The following TRPM8 variants were observed in gnomAD, a reference collection of about 807,000 sequenced individuals.
The protein encoded by TRPM8 is transient receptor potential cation channel subfamily M member 8.
A neutral mutation model predicts 133.7 loss-of-function variants in TRPM8; 110 were observed. That is an observed-to-expected ratio of 0.82 (90% CI 0.70 to 0.96). TRPM8 has a LOEUF of 0.96. Among genes scored for constraint, TRPM8 ranks in the 40% least tolerant of loss-of-function variants. The pLI, the probability that TRPM8 is intolerant of heterozygous loss-of-function variation, is 0.00. For missense variants in TRPM8, 1,291 were observed against 1,379.5 expected (o/e 0.94, Z 1.02); for synonymous variants, 535 against 532.3 (o/e 1.01, Z -0.07).
At chr2:233,959,439 A>T (rs1390560734) in intron 11 of TRPM8, among the ~76,000 whole-genome samples, 1 of 143,466 alleles carries the variant, frequency 7.0e-6, no homozygotes, top group Non-Finnish European at 1.5e-5. Context: ...CGATTCTGGG[A>T]TTAGAGGCAC....
intron 17 of TRPM8, among the ~76,000 whole-genome samples, chr2:233,974,770 C>T (rs2125246815): frequency 6.6e-6 from 1 of 152,294 alleles, no homozygotes; most frequent in Middle Eastern, 3.4e-3. Context: ...CTGCATGACT[C>T]AGGCGACCAG....
chr2:233,951,196 C>T (rs1261792425), intron 9 of TRPM8, among the ~76,000 whole-genome samples: 2 of 152,114 alleles, frequency 1.3e-5, no homozygotes, highest in Non-Finnish European at 1.5e-5. Context: ...AGCCATTGCA[C>T]TCTAGTTTGG....
intron 3 of TRPM8, 62 bp downstream of exon 3, chr2:233,930,803 T>C (rs771172626): frequency 1.4e-5 from 16 of 1,124,402 alleles, no homozygotes; most frequent in Non-Finnish European, 2.1e-5. Context: ...CAGCCACCCT[T>C]ACAACAAACA....
At chr2:233,938,885 C>T (rs1459967460) in intron 4 of TRPM8, 113 bp from the exon 5 acceptor site, 4 of 1,239,784 alleles carry the variant, frequency 3.2e-6, no homozygotes, top group East Asian at 2.4e-5. Flanking sequence ...GCCCCCACCC[C>T]GCCCCTCTTC....
intron 24 of TRPM8, among the ~76,000 whole-genome samples, chr2:234,008,498 G>A (rs1692752958): frequency 6.6e-6 from 1 of 152,198 alleles, no homozygotes; most frequent in South Asian, 2.1e-4. Flanking sequence ...TTATTTGGAG[G>A]GCATTGGAAA....
intron 1 of TRPM8, among the ~76,000 whole-genome samples, chr2:233,921,913 TC>T (rs1386371047): frequency 6.6e-6 from 1 of 152,088 alleles, no homozygotes; most frequent in Admixed American, 6.5e-5. Context: ...CCTCAAGTGA[TC>T]CCCCTGCCTT....
chr2:233,997,061 TTG>T (rs1420394295), intron 22 of TRPM8, among the ~76,000 whole-genome samples: 1 of 152,146 alleles, frequency 6.6e-6, no homozygotes, highest in African/African-American at 2.4e-5. Flanking sequence ...GCTCAGGAGT[TTG>T]TGACCAGCCT....
chr2:233,955,768 G>A (rs1010674235), intron 11 of TRPM8, among the ~76,000 whole-genome samples: 3 of 152,138 alleles, frequency 2.0e-5, no homozygotes, highest in Non-Finnish European at 2.9e-5. Context: ...CAGGGGTGCC[G>A]GTCCATGGCC....
intron 5 of TRPM8, among the ~76,000 whole-genome samples, chr2:233,939,394 A>G (rs2125088407): frequency 6.6e-6 from 1 of 152,352 alleles, no homozygotes; most frequent in South Asian, 2.1e-4. Flanking sequence ...AATCAGCGTT[A>G]AGGTGCTTCC....
intron 17 of TRPM8, among the ~76,000 whole-genome samples, chr2:233,976,490 G>A (rs1273415554): frequency 6.6e-6 from 1 of 152,104 alleles, no homozygotes; most frequent in African/African-American, 2.4e-5. Flanking sequence ...GGGCAGGTGC[G>A]CAGGAGAACT....
intron 21 of TRPM8, among the ~76,000 whole-genome samples, chr2:233,988,175 A>G (rs1333801827): frequency 6.6e-6 from 1 of 151,958 alleles, no homozygotes; most frequent in Non-Finnish European, 1.5e-5. Context: ...GGCCTCCCAT[A>G]TGCTCCTCTT....
chr2:234,001,812 G>C (rs1692570891), intron 22 of TRPM8, among the ~76,000 whole-genome samples: 1 of 152,226 alleles, frequency 6.6e-6, no homozygotes, highest in Non-Finnish European at 1.5e-5. Context: ...AGCTGGACCA[G>C]AGGTGACGTA....
chr2:233,933,887 T>C (rs1691729982), intron 3 of TRPM8: 1 of 167,078 alleles, frequency 6.0e-6, no homozygotes, highest in Non-Finnish European at 1.5e-5. Context: ...GCTAAGAACA[T>C]TGTGCTGAAT....
rs1423132604 is a variant in TRPM8 at position 233,929,005 on chromosome 2, TTTTA to T, written c.118-1659_118-1656del. Among the ~76,000 whole-genome samples the T allele has an allele frequency of 2.0e-4, 27 of 134,952 alleles. 3 individuals are homozygous for T. Among genetic ancestry groups the T allele is most frequent in the African/African-American group, 4.8e-4 (16 of 33,474 alleles). 88.5% of individuals were successfully genotyped at this position (134,952 alleles called of 152,430 possible). A position where few individuals can be genotyped will look rare whatever the true frequency, so the allele number is the denominator to read the frequency against. The stretch of plus-strand genomic sequence containing the variant: ...TTTTGTGAGTTTCTTTTCTTTTTTT[TTTTA>T]TTTTTTTGCTCAAAACTGTTTTTGA... On this transcript the variant is annotated intron_variant, in intron 2 of 25. Transcript: ENST00000324695.
intron 22 of TRPM8, among the ~76,000 whole-genome samples, chr2:233,996,944 T>A (rs1300582401): frequency 6.6e-6 from 1 of 152,208 alleles, no homozygotes; most frequent in Non-Finnish European, 1.5e-5. Context: ...ATTGTCATAT[T>A]TGAGAAAACA....
chr2:233,999,187 G>C (rs1466382159), intron 22 of TRPM8, among the ~76,000 whole-genome samples: 1 of 152,092 alleles, frequency 6.6e-6, no homozygotes, highest in African/African-American at 2.4e-5. Flanking sequence ...GGCTGGGCTG[G>C]CTGCCTCTGT....
At position 233,960,837 on chromosome 2, in the gene TRPM8, G is replaced by C; in HGVS notation, c.1424G>C (p.Arg475Pro). 1 of 1,614,074 alleles carries C rather than the reference G, an allele frequency of 6.2e-7. No individual in the cohort carries two copies. Among genetic ancestry groups the C allele is most frequent in the Non-Finnish European group, 8.5e-7 (1 of 1,179,976 alleles). The change falls in exon 12 of 26, where the codon CGC becomes CCC. Residue 475 changes from arginine (R) to proline (P), a missense_variant. Arg to Pro is a moderately radical substitution (Grantham distance 103). Transcript: ENST00000324695. Reference protein sequence around the residue: ...ALIKDRPKFVRLFLENGLNLR... With the variant: ...ALIKDRPKFVPLFLENGLNLR... Reference sequence around the variant, plus strand: ...ATAAAGGACAGACCCAAGTTTGTCCGCCTCTTTCTGGAGAATGGCTTGAAC... The same window carrying C: ...ATAAAGGACAGACCCAAGTTTGTCCCCCTCTTTCTGGAGAATGGCTTGAAC...
chr2:233,987,825 A>G (rs1692183988), intron 21 of TRPM8, among the ~76,000 whole-genome samples: 1 of 152,056 alleles, frequency 6.6e-6, no homozygotes, highest in African/African-American at 2.4e-5. Context: ...ACGAGATTTG[A>G]TGGTTTTATA....
intron 2 of TRPM8, among the ~76,000 whole-genome samples, chr2:233,927,575 G>A (rs1187612799): frequency 6.6e-6 from 1 of 152,108 alleles, no homozygotes; most frequent in Non-Finnish European, 1.5e-5. Flanking sequence ...GTGGGCCAAG[G>A]GTGGTGGTAG....
Sources: allele counts gnomAD v4.1 joint callset (sites outside exome capture counted in the v4.1 genomes callset), GRCh38; gene constraint gnomAD v4.1.1; transcripts MANE v1.5; gene names NCBI Gene and HGNC (gene_info 2026-07-23, HGNC 2026-07-21).